DIO1: variants seen among roughly 807,000 people sequenced by gnomAD.
DIO1 encodes iodothyronine deiodinase 1.
Under a neutral mutation model 25.9 loss-of-function variants are expected in DIO1, and 17 were observed. That is an observed-to-expected ratio of 0.66 (90% confidence interval 0.45 to 0.98). The LOEUF (loss-of-function observed/expected upper bound fraction) is 0.98. Among genes scored for constraint, DIO1 ranks in the 50% least tolerant of loss-of-function variants. The pLI, the probability that DIO1 is intolerant of heterozygous loss-of-function variation, is 0.00. For synonymous variants in DIO1, 115 were observed against 114.0 expected (o/e 1.01, Z -0.05); for missense variants, 270 against 310.4 (o/e 0.87, Z 0.98).
chr1:53,910,814 T>G lies in DIO1; in HGVS notation c.*815T>G, dbSNP rs926634277. On this transcript the variant is annotated 3_prime_UTR_variant, in exon 4 of 4. Transcript: ENST00000361921. Reference sequence around the variant, plus strand: ...GCATAACCTTGACCAAACCAAACAATAGGCACCAGCAATGCTGTCATTCAG... The same window carrying G: ...GCATAACCTTGACCAAACCAAACAAGAGGCACCAGCAATGCTGTCATTCAG... 1 of 152,480 alleles carries G rather than the reference T, an allele frequency of 6.6e-6. No homozygotes were observed. Among genetic ancestry groups the G allele is most frequent in the Non-Finnish European group, 1.5e-5 (1 of 68,040 alleles). The allele number at this position is 152,480 out of a possible 1,614,324, so 9.4% of individuals were successfully genotyped here. A position where few individuals can be genotyped will look rare whatever the true frequency, so the allele number is the denominator to read the frequency against.
At chr1:53,907,115 G>C (rs538494114) in intron 3 of DIO1, among the ~76,000 whole-genome samples, 5 of 152,204 alleles carry the variant, frequency 3.3e-5, no homozygotes, top group Admixed American at 6.5e-5. Flanking sequence ...CAGGGCTGGC[G>C]GGGTAGAAGT....
At position 53,906,174 on chromosome 1, in the gene DIO1, G is replaced by C. The variant is rs752206251; in HGVS notation, c.561G>C (p.Leu187=). 5 of 1,614,194 alleles carry C rather than the reference G, an allele frequency of 3.1e-6. No individual in the cohort carries two copies. In the South Asian group the frequency reaches 5.5e-5, roughly 18 times the overall value. Residue 187 remains leucine (L), a synonymous_variant, in exon 3 of 4, where the codon CTG becomes CTC. Transcript: ENST00000361921. The stretch of plus-strand genomic sequence containing the variant: ...ATCGCCTGCAGGCAGCCCATCTACT[G>C]CTGGCCAGGAGCCCCCAGTGCCCTG... The part of the protein sequence containing the change: ...LQDRLQAAHL[L]LARSPQCPVV...
Position 53,910,217 on chromosome 1 carries a change from A to G in DIO1, c.*218A>G, listed in dbSNP as rs866550446. Reference sequence around the variant, plus strand: ...TTATCAGAAAATGAAGCAACACTTGAGCTGTTCAGGCCAGTTCCCTGTTGA... The same window carrying G: ...TTATCAGAAAATGAAGCAACACTTGGGCTGTTCAGGCCAGTTCCCTGTTGA... On this transcript the variant is annotated 3_prime_UTR_variant, in exon 4 of 4. Transcript: ENST00000361921. The G allele has an allele frequency of 3.9e-5, 22 of 561,946 alleles. No homozygotes were observed. The highest frequency in any genetic ancestry group is 4.9e-4 in the Middle Eastern group (1 of 2,040). The allele number at this position is 561,946 out of a possible 1,614,324, so 34.8% of individuals were successfully genotyped here. A position where few individuals can be genotyped will look rare whatever the true frequency, so the allele number is the denominator to read the frequency against.
At chr1:53,902,560 T>G (rs76018911) in intron 1 of DIO1, among the ~76,000 whole-genome samples, 4,737 of 151,654 alleles carry the variant, frequency 0.031, 343 homozygotes, top group African/African-American at 0.11. Context: ...TAGGGGGGTT[T>G]GGGGGTATGT....
At chr1:53,902,360 T>G (rs1200680923) in intron 1 of DIO1, among the ~76,000 whole-genome samples, 8 of 151,932 alleles carry the variant, frequency 5.3e-5, no homozygotes, top group Admixed American at 1.3e-4. Context: ...GTCTCCCCAC[T>G]AAGCAGACTT....
chr1:53,894,320 T>C lies in DIO1; in HGVS notation c.110T>C (p.Val37Ala). ...CTTCTGATATTGTTTCCAGACAGAG[T>C]CAAGCGGAACATCCTGGCCATGGGC... ...KVLLILFPDR[V>A]KRNILAMGEK... The change falls in exon 1 of 4, where the codon GTC becomes GCC. Residue 37 changes from valine to alanine, a missense_variant. Coordinates refer to ENST00000361921, the MANE Select transcript of DIO1 (RefSeq NM_000792.7). This position sits in a 1 kb window ranked among gnomAD's most constrained non-coding sequence, Gnocchi z 4.9. The C allele has an allele frequency of 6.2e-7, 1 of 1,613,934 alleles. No individual in the cohort carries two copies. The highest frequency in any genetic ancestry group is 8.5e-7 in the Non-Finnish European group (1 of 1,179,978).
intron 1 of DIO1, among the ~76,000 whole-genome samples, chr1:53,904,323 A>C (rs1186625442): frequency 6.6e-6 from 1 of 152,218 alleles, no homozygotes; most frequent in Non-Finnish European, 1.5e-5. Context: ...AAAAATGACC[A>C]ACCTTGCAGT....
intron 1 of DIO1, among the ~76,000 whole-genome samples, chr1:53,898,394 C>G (rs1422788535): frequency 6.6e-6 from 1 of 152,094 alleles, no homozygotes; most frequent in Non-Finnish European, 1.5e-5. Context: ...CCTGAGAGTA[C>G]TGGTGAGTTC....
Position 53,906,088 on chromosome 1 carries a change from C to T in DIO1, c.482-7C>T. On this transcript the variant is annotated splice_region_variant and splice_polypyrimidine_tract_variant and intron_variant, in intron 2 of 3. Coordinates refer to ENST00000361921, the MANE Select transcript of DIO1 (RefSeq NM_000792.7). ...ATGGGACTCGGTGCCTGGCCTTTCT[C>T]TTGTAGATGGCTGGGCTTTTAAGAA... 6.2e-7 allele frequency: 1 copy of T among 1,614,108 alleles called. No individual in the cohort carries two copies. The highest frequency in any genetic ancestry group is 8.5e-7 in the Non-Finnish European group (1 of 1,179,984).
At chr1:53,900,129 G>T (rs1440121406) in intron 1 of DIO1, among the ~76,000 whole-genome samples, 2 of 152,230 alleles carry the variant, frequency 1.3e-5, no homozygotes, top group African/African-American at 4.8e-5. Flanking sequence ...AGTGAAACTA[G>T]TCTGCTTTCC....
intron 1 of DIO1, among the ~76,000 whole-genome samples, chr1:53,899,098 T>C (rs920545521): frequency 3.3e-5 from 5 of 152,032 alleles, no homozygotes; most frequent in Admixed American, 6.6e-5. Context: ...ACACACAATA[T>C]ACACACACTC....
chr1:53,904,561 T>TC, intron 1 of DIO1, 105 bp from the exon 2 acceptor site: 2 of 1,350,206 alleles, frequency 1.5e-6, no homozygotes, highest in Non-Finnish European at 2.0e-6. Context: ...GGGTGGGGGG[T>TC]AGGGGGAAAT....
chr1:53,898,638 G>A (rs989154116), intron 1 of DIO1, among the ~76,000 whole-genome samples: 1 of 151,820 alleles, frequency 6.6e-6, no homozygotes, highest in Non-Finnish European at 1.5e-5. Flanking sequence ...CCAGCTCCTT[G>A]GGAGGCTGAG....
intron 3 of DIO1, among the ~76,000 whole-genome samples, chr1:53,907,996 G>C (rs1651747488): frequency 6.6e-6 from 1 of 150,818 alleles, no homozygotes; most frequent in Non-Finnish European, 1.5e-5. Flanking sequence ...GGCTGAGGCA[G>C]GCAGATCACG....
At position 53,894,571 on chromosome 1, in the gene DIO1, A is replaced by T. The variant is rs755658303; in HGVS notation, c.337+24A>T. On this transcript the variant is annotated intron_variant, in intron 1 of 3. Coordinates refer to ENST00000361921, the MANE Select transcript of DIO1 (RefSeq NM_000792.7). The surrounding 1 kb of genome is among the most constrained non-coding windows in gnomAD (Gnocchi z 4.9). ...AGGTCAGGAGGCTGCCACACACTTGAGGGGTGCTTGAAATAGCAGTGGTAG... is the reference window on the plus strand; with the variant it reads ...AGGTCAGGAGGCTGCCACACACTTGTGGGGTGCTTGAAATAGCAGTGGTAG... 37 of 1,590,452 alleles carry T rather than the reference A, an allele frequency of 2.3e-5. No individual in the cohort carries two copies. The highest frequency in any genetic ancestry group is 3.2e-5 in the Non-Finnish European group (37 of 1,166,360).
intron 1 of DIO1, among the ~76,000 whole-genome samples, chr1:53,899,121 A>G (rs1651231224): frequency 6.6e-6 from 1 of 152,198 alleles, no homozygotes; most frequent in Non-Finnish European, 1.5e-5. Flanking sequence ...GGACACACAC[A>G]GAACAAAACA....
chr1:53,906,064 T>C (rs752617046), intron 2 of DIO1, 31 bp from the exon 3 acceptor site: 5 of 1,609,418 alleles, frequency 3.1e-6, no homozygotes, highest in East Asian at 4.5e-5. Flanking sequence ...GCTGTGTCAA[T>C]GGGACTCGGT....
chr1:53,899,226 CCT>C (rs1340779486), intron 1 of DIO1, among the ~76,000 whole-genome samples: 5 of 152,274 alleles, frequency 3.3e-5, no homozygotes, highest in East Asian at 3.9e-4. Flanking sequence ...CATTTCAGCC[CCT>C]GTTTAAAATC....
At chr1:53,898,685 T>C (rs183566439) in intron 1 of DIO1, among the ~76,000 whole-genome samples, 1 of 144,630 alleles carries the variant, frequency 6.9e-6, no homozygotes, top group African/African-American at 2.6e-5. Context: ...GTGGAGTTTG[T>C]AGTGAGCTGA....
Sources: gnomAD v4.1 joint callset for allele counts (sites outside exome capture counted in the v4.1 genomes callset) on GRCh38, gnomAD v4.1.1 for gene constraint, Gnocchi (gnomAD v3.1) non-coding constraint, MANE v1.5 for transcripts, NCBI Gene and HGNC (gene_info 2026-07-23, HGNC 2026-07-21) for gene names.